NAV3: variants seen among roughly 807,000 people sequenced by gnomAD.
NAV3 encodes the protein neuron navigator 3.
NAV3 carries 87 observed loss-of-function variants against 244.7 expected under a neutral mutation model. The observed-to-expected ratio is 0.36, with a 90% CI of 0.30 to 0.42. The LOEUF (loss-of-function observed/expected upper bound fraction) is 0.42. Ranked by LOEUF, NAV3 falls within the 20% of genes least tolerant of loss-of-function variation. The pLI is 1.00. For missense variants in NAV3, 2,663 were observed against 2,893.3 expected, an observed-to-expected ratio of 0.92 and a Z score of 1.83; for synonymous variants, 1,126 against 1,042.2, an observed-to-expected ratio of 1.08 and a Z score of -1.55.
At chr12:77,628,015 A>G (rs576648346) in intron 2 of NAV3, among the ~76,000 whole-genome samples, 2 of 152,308 alleles carry the variant, frequency 1.3e-5, no homozygotes, top group South Asian at 4.1e-4. Flanking sequence ...AGGCTGGGAA[A>G]GGTAGGAGGT....
intron 5 of NAV3, among the ~76,000 whole-genome samples, chr12:77,988,497 CTCT>C (rs1870920026): frequency 6.6e-6 from 1 of 152,124 alleles, no homozygotes; most frequent in Admixed American, 6.6e-5. Context: ...GTATAGTTTT[CTCT>C]TCTTCCCTTC....
At chr12:78,196,410 C>G (rs77493961) in intron 34 of NAV3, among the ~76,000 whole-genome samples, 1 of 151,800 alleles carries the variant, frequency 6.6e-6, no homozygotes, top group African/African-American at 2.4e-5. Flanking sequence ...TGCCAGAAAC[C>G]AAAATCATGG....
intron 4 of NAV3, among the ~76,000 whole-genome samples, chr12:77,968,106 A>T (rs1892673769): frequency 6.6e-6 from 1 of 152,212 alleles, no homozygotes; most frequent in South Asian, 2.1e-4. Flanking sequence ...CCAACATTTA[A>T]GTGGCTTTCT....
At chr12:77,982,732 A>G (rs1869797056) in intron 5 of NAV3, among the ~76,000 whole-genome samples, 1 of 152,190 alleles carries the variant, frequency 6.6e-6, no homozygotes, top group African/African-American at 2.4e-5. Context: ...TTGTTCCACT[A>G]TGTCCAGGGC....
intron 1 of NAV3, among the ~76,000 whole-genome samples, chr12:77,852,051 A>G (rs73140037): frequency 0.011 from 1,660 of 152,332 alleles, 8 homozygotes; most frequent in Non-Finnish European, 0.016. Context: ...AGTAAGAACT[A>G]TTACTACAAT....
At chr12:77,902,310 G>A (rs1368839109) in intron 1 of NAV3, among the ~76,000 whole-genome samples, 2 of 152,168 alleles carry the variant, frequency 1.3e-5, no homozygotes, top group Non-Finnish European at 2.9e-5. Context: ...TTCATAGAAA[G>A]AACTATTTTG....
chr12:77,698,229 G>A (rs975150735), intron 2 of NAV3, among the ~76,000 whole-genome samples: 1 of 152,120 alleles, frequency 6.6e-6, no homozygotes, highest in African/African-American at 2.4e-5. Context: ...TCTTCTATGA[G>A]ATCAACCACA....
chr12:78,176,063 T>C (rs771598573), intron 25 of NAV3, among the ~76,000 whole-genome samples: 14 of 152,020 alleles, frequency 9.2e-5, no homozygotes, highest in Non-Finnish European at 1.8e-4. Context: ...CTTGATGTTT[T>C]TAACCAAGAG....
chr12:77,620,404 A>T lies in NAV3; in HGVS notation c.72+48138A>T, dbSNP rs1307339804. On this transcript the variant is annotated intron_variant, in intron 2 of 8. Coordinates refer to the NAV3 transcript ENST00000550042. ...TATCCCAGTGGAATTCATTCATGTA[A>T]AAACTCCTTACTTATGCTTGTGTCA... is the stretch of plus-strand genomic sequence containing the variant. Among the ~76,000 whole-genome samples, 3 of 152,162 alleles carry T rather than the reference A, an allele frequency of 2.0e-5. No homozygotes were observed. The East Asian group carries it at 5.8e-4, about 29-fold the overall frequency.
intron 2 of NAV3, among the ~76,000 whole-genome samples, chr12:77,680,848 G>A (rs1357951063): frequency 6.6e-6 from 1 of 152,156 alleles, no homozygotes; most frequent in Non-Finnish European, 1.5e-5. Flanking sequence ...GCTGAAGGAA[G>A]AGTCACATAT....
rs749727874 is a variant in NAV3 at position 78,119,473 on chromosome 12, C to G, written c.3277C>G (p.Leu1093Val). ...GATITSGSATLGKIPKSAAIG... is the reference protein window; with the variant it reads ...GATITSGSATVGKIPKSAAIG... ...AACCATAACAAGTGGCTCTGCAACACTGGGTAAAATTCCAAAATCTGCTGC... is the reference window on the plus strand; with the variant it reads ...AACCATAACAAGTGGCTCTGCAACAGTGGGTAAAATTCCAAAATCTGCTGC... The change falls in exon 15 of 40, where the codon CTG (leucine) becomes GTG (valine). Residue 1093 changes from leucine (L) to valine (V), a missense_variant. Coordinates refer to ENST00000397909, the MANE Select transcript of NAV3 (RefSeq NM_001024383.2). The G allele has an allele frequency of 1.2e-6, 2 of 1,614,102 alleles. No homozygotes were observed. The highest frequency in any genetic ancestry group is 1.7e-5 in the Admixed American group (1 of 60,012).
chr12:77,687,764 G>C (rs185391636), intron 2 of NAV3, among the ~76,000 whole-genome samples: 2 of 152,004 alleles, frequency 1.3e-5, no homozygotes, highest in Non-Finnish European at 2.9e-5. Context: ...CAAAGAAATG[G>C]CAATGCCTCT....
At chr12:77,745,153 G>A (rs150905117) in intron 2 of NAV3, among the ~76,000 whole-genome samples, 1 of 151,846 alleles carries the variant, frequency 6.6e-6, no homozygotes, top group Non-Finnish European at 1.5e-5. Context: ...TAAACCTAAG[G>A]GTTGCAGTAA....
intron 1 of NAV3, among the ~76,000 whole-genome samples, chr12:77,917,800 G>A (rs762608129): frequency 2.0e-5 from 3 of 151,986 alleles, no homozygotes; most frequent in Admixed American, 6.6e-5. Context: ...GAAGACAAAC[G>A]TTTCAGCCCA....
chr12:77,880,766 G>A (rs1402768373), intron 1 of NAV3, among the ~76,000 whole-genome samples: 1 of 152,082 alleles, frequency 6.6e-6, no homozygotes, highest in African/African-American at 2.4e-5. Context: ...TTAGTCACAT[G>A]CTTTACAGGT....
chr12:78,181,459 C>A (rs1361913752), intron 30 of NAV3, among the ~76,000 whole-genome samples: 4 of 152,006 alleles, frequency 2.6e-5, no homozygotes, highest in African/African-American at 9.7e-5. Context: ...TGTGATGCTG[C>A]TCTGAGAAAA....
rs773417095 is a variant in NAV3 at position 78,119,471 on chromosome 12, C to A, written c.3275C>A (p.Thr1092Lys). The part of the protein sequence containing the change: ...SGATITSGSA[T>K]LGKIPKSAAI... The stretch of plus-strand genomic sequence containing the variant: ...GCAACCATAACAAGTGGCTCTGCAA[C>A]ACTGGGTAAAATTCCAAAATCTGCT... Residue 1092 changes from threonine to lysine, a missense_variant, in exon 15 of 40, where the codon ACA becomes AAA. Physicochemically the swap from Thr to Lys is moderately conservative, Grantham distance 78. Coordinates refer to ENST00000397909, the MANE Select transcript of NAV3 (RefSeq NM_001024383.2). 1 of 1,614,192 alleles carries A rather than the reference C, an allele frequency of 6.2e-7. No homozygotes were observed. The highest frequency in any genetic ancestry group is 8.5e-7 in the Non-Finnish European group (1 of 1,180,026).
chr12:78,096,189 A>C (rs1954242025), intron 12 of NAV3, among the ~76,000 whole-genome samples: 1 of 152,162 alleles, frequency 6.6e-6, no homozygotes, highest in Non-Finnish European at 1.5e-5. Flanking sequence ...GTCCCAACCA[A>C]TTATATGGCT....
At chr12:78,162,901 T>C (rs1197780239) in intron 23 of NAV3, among the ~76,000 whole-genome samples, 2 of 127,634 alleles carry the variant, frequency 1.6e-5, no homozygotes, top group South Asian at 2.4e-4. Flanking sequence ...AATATATATA[T>C]AAATATATAT....
Sources: allele counts gnomAD v4.1 joint callset (sites outside exome capture counted in the v4.1 genomes callset), GRCh38; gene constraint gnomAD v4.1.1; transcripts MANE v1.5; gene names NCBI Gene and HGNC (gene_info 2026-07-23, HGNC 2026-07-21).